Variants in ZNF317 observed in about 807,000 individuals in gnomAD.
ZNF317 encodes the protein zinc finger protein 317, also known as KRAB-containing zinc finger protein 317.
Under a neutral mutation model 23.4 loss-of-function variants are expected in ZNF317, and 17 were observed. The observed-to-expected ratio is 0.73, with a 90% CI of 0.50 to 1.09. The LOEUF (loss-of-function observed/expected upper bound fraction) is 1.09, where lower values mean the gene tolerates loss of function less well. ZNF317 is among the 50% of genes least tolerant of loss of function. ZNF317 has a pLI of 0.00. For synonymous variants in ZNF317, 317 were observed against 314.9 expected, an observed-to-expected ratio of 1.01 and a Z score of -0.07; for missense variants, 679 against 796.7, an observed-to-expected ratio of 0.85 and a Z score of 1.78.
intron 1 of ZNF317, among the ~76,000 whole-genome samples, chr19:9,143,302 AAG>A (rs1192048435): frequency 6.6e-6 from 1 of 152,086 alleles, no homozygotes; most frequent in African/African-American, 2.4e-5. Flanking sequence ...TTTCTTCTTA[AAG>A]AACTTCTGGC....
intron 1 of ZNF317, among the ~76,000 whole-genome samples, 169 bp downstream of exon 1, chr19:9,140,761 C>T (rs1338692044): frequency 1.3e-5 from 2 of 152,044 alleles, no homozygotes; most frequent in African/African-American, 4.8e-5. Flanking sequence ...GCTGGGGACG[C>T]GAAGGATAAA....
chr19:9,152,534 A>G (rs948520085), intron 1 of ZNF317, among the ~76,000 whole-genome samples: 1 of 152,188 alleles, frequency 6.6e-6, no homozygotes, highest in Non-Finnish European at 1.5e-5. Flanking sequence ...CGCAGACCCT[A>G]TTGTGCACTG....
chr19:9,147,334 T>TG (rs2050693146), intron 1 of ZNF317, among the ~76,000 whole-genome samples: 1 of 40,096 alleles, frequency 2.5e-5, no homozygotes, highest in Non-Finnish European at 4.5e-5. Context: ...ACACTGGTTT[T>TG]TTTTTTTTTT....
chr19:9,142,205 T>C (rs75494218), intron 1 of ZNF317, among the ~76,000 whole-genome samples: 1 of 152,244 alleles, frequency 6.6e-6, no homozygotes, highest in Non-Finnish European at 1.5e-5. Context: ...AGTCTAACTT[T>C]TGTGTAGTTT....
In ZNF317 at chr19:9,160,875, G is replaced by A; in HGVS notation, c.1230G>A (p.Arg410=). Residue 410 remains arginine, a synonymous_variant, in exon 7 of 7, where the codon AGG becomes AGA. Transcript: ENST00000247956. The surrounding 1 kb of genome is among the most constrained non-coding windows in gnomAD (Gnocchi z 6.8). ...GDLVSRRKHM[R]IHIVKKPVEC... Reference sequence around the variant, plus strand: ...TCGTGTCCCGGAGGAAACACATGAGGATTCACATCGTCAAGAAACCCGTGG... The same window carrying A: ...TCGTGTCCCGGAGGAAACACATGAGAATTCACATCGTCAAGAAACCCGTGG... 1 of 1,614,068 alleles carries A rather than the reference G, an allele frequency of 6.2e-7. No individual in the cohort carries two copies. The highest frequency in any genetic ancestry group is 8.5e-7 in the Non-Finnish European group (1 of 1,180,012).
At chr19:9,153,383 G>A (rs1023634591) in intron 1 of ZNF317, among the ~76,000 whole-genome samples, 4 of 152,234 alleles carry the variant, frequency 2.6e-5, no homozygotes, top group Non-Finnish European at 4.4e-5. Flanking sequence ...GGCTGGTCTC[G>A]AACTCTCGAC....
rs1390227039 is a variant in ZNF317, at chr19:9,145,882, GC to G, written c.-93+5293del. Among the ~76,000 whole-genome samples the G allele has an allele frequency of 2.0e-5, 3 of 152,232 alleles. No individual in the cohort carries two copies. In the East Asian group the frequency reaches 5.8e-4, roughly 29 times the overall value. Reference sequence around the variant, plus strand: ...AGTTTATTAAAATACTGATTCATCAGCCCACCCCAAAGAGAATTGAACTGAG... The same window carrying G: ...AGTTTATTAAAATACTGATTCATCAGCCACCCCAAAGAGAATTGAACTGAG... On this transcript the variant is annotated intron_variant, in intron 1 of 6. Transcript: ENST00000247956.
intron 1 of ZNF317, among the ~76,000 whole-genome samples, chr19:9,147,330 GTTTTTTTTTTTTT>G (rs35259257): frequency 1.8e-5 from 2 of 110,170 alleles, no homozygotes; most frequent in African/African-American, 3.9e-5. Flanking sequence ...AATGACACTG[GTTTTTTTTTTTTT>G]TTTTTTTTTT....
At chr19:9,158,786 T>G (rs1357455870) in intron 5 of ZNF317, 40 bp from the exon 6 acceptor site, 2 of 1,337,464 alleles carry the variant, frequency 1.5e-6, no homozygotes, top group Non-Finnish European at 2.2e-6. Flanking sequence ...TCCCACCATT[T>G]TCCTTTTCCA....
rs780252470 is a variant in ZNF317, at chr19:9,160,626, G to A, written c.981G>A (p.Thr327=). The A allele has an allele frequency of 9.3e-6, 15 of 1,613,726 alleles. No individual in the cohort carries two copies. The South Asian group carries it at 1.3e-4, about 14-fold the overall frequency. ...GCCACCTCATCGCACACAAGAGAAC[G>A]CACACCGGAGAGAGGCCCTACGAGT... The part of the protein sequence containing the change: ...RSCHLIAHKR[T]HTGERPYECH... Residue 327 remains threonine, a synonymous_variant, in exon 7 of 7, where the codon ACG becomes ACA. Transcript: ENST00000247956. This position sits in a 1 kb window ranked among gnomAD's most constrained non-coding sequence, Gnocchi z 6.8.
At position 9,161,133 on chromosome 19, in the gene ZNF317, C is replaced by T. The variant is rs143272164; in HGVS notation, c.1488C>T (p.His496=). 4 of 1,614,092 alleles carry T rather than the reference C, an allele frequency of 2.5e-6. No individual in the cohort carries two copies. The East Asian group carries it at 6.7e-5, about 27-fold the overall frequency. Residue 496 remains histidine, a synonymous_variant, in exon 7 of 7, where the codon CAC becomes CAT. Coordinates refer to ENST00000247956, the MANE Select transcript of ZNF317 (RefSeq NM_020933.5). The surrounding 1 kb of genome is among the most constrained non-coding windows in gnomAD (Gnocchi z 4.0). The part of the protein sequence containing the change: ...YLSRRRHMSV[H]LVKKRVECRQ... ...CCCGGCGGAGGCACATGAGCGTTCA[C>T]CTTGTAAAGAAACGAGTTGAGTGTA...
chr19:9,146,537 C>T (rs1359032434), intron 1 of ZNF317, among the ~76,000 whole-genome samples: 1 of 151,032 alleles, frequency 6.6e-6, no homozygotes, highest in Non-Finnish European at 1.5e-5. Context: ...AAGCAATCTT[C>T]CCACCTCAGC....
chr19:9,157,959 G>A, intron 4 of ZNF317, 21 bp from the exon 5 acceptor site: 2 of 1,550,270 alleles, frequency 1.3e-6, no homozygotes, highest in Non-Finnish European at 1.7e-6. Context: ...CCCTCAACCT[G>A]TGTCTTTCCC....
chr19:9,141,919 C>T (rs2050634584), intron 1 of ZNF317, among the ~76,000 whole-genome samples: 1 of 152,140 alleles, frequency 6.6e-6, no homozygotes, highest in Non-Finnish European at 1.5e-5. Context: ...GGTTCTCCTG[C>T]CTCAGCCTCC....
chr19:9,151,584 C>T (rs138928425), intron 1 of ZNF317, among the ~76,000 whole-genome samples: 18 of 151,944 alleles, frequency 1.2e-4, no homozygotes, highest in African/African-American at 4.1e-4. Context: ...AATCCCCTCC[C>T]GAGGTGTGGG....
intron 4 of ZNF317, 97 bp downstream of exon 4, chr19:9,157,491 C>T (rs1042007515): frequency 5.6e-5 from 84 of 1,511,806 alleles, no homozygotes; most frequent in Non-Finnish European, 6.9e-5. Context: ...CGGTTCAGAA[C>T]GCAGCTGTGA....
rs957908977 is a variant in ZNF317, at chr19:9,162,497, C to T, written c.*1064C>T. 6.6e-6 allele frequency: 1 copy of T among 151,812 alleles called. No homozygotes were observed. The highest frequency in any genetic ancestry group is 2.4e-5 in the African/African-American group (1 of 41,274). 9.4% of individuals were successfully genotyped at this position (151,812 alleles called of 1,614,324 possible). A position where few individuals can be genotyped will look rare whatever the true frequency, so the allele number is the denominator to read the frequency against. On this transcript the variant is annotated 3_prime_UTR_variant, in exon 7 of 7. Coordinates refer to ENST00000247956, the MANE Select transcript of ZNF317 (RefSeq NM_020933.5). ...TCACTTGAGCATGTGAATATTCTCA[C>T]GGAGAGAAGCCCCAGCGAGATTTTC...
Position 9,161,565 on chromosome 19 carries a change from T to A in ZNF317, c.*132T>A. ...CGGAACTTGGGAGAAGTCCAGTTCC[T>A]GTAAAAACTGGGAAGACGAGGCGTT... On this transcript the variant is annotated 3_prime_UTR_variant, in exon 7 of 7. Coordinates refer to ENST00000247956, the MANE Select transcript of ZNF317 (RefSeq NM_020933.5). This position sits in a 1 kb window ranked among gnomAD's most constrained non-coding sequence, Gnocchi z 4.0. The A allele has an allele frequency of 7.2e-7, 1 of 1,379,768 alleles. No individual in the cohort carries two copies. The highest frequency in any genetic ancestry group is 9.8e-7 in the Non-Finnish European group (1 of 1,023,964). 85.5% of individuals were successfully genotyped at this position (1,379,768 alleles called of 1,614,324 possible). A position where few individuals can be genotyped will look rare whatever the true frequency, so the allele number is the denominator to read the frequency against.
chr19:9,160,389 G>A lies in ZNF317; in HGVS notation c.744G>A (p.Lys248=). The A allele has an allele frequency of 6.2e-7, 1 of 1,614,228 alleles. No individual in the cohort carries two copies. The highest frequency in any genetic ancestry group is 8.5e-7 in the Non-Finnish European group (1 of 1,180,046). Residue 248 remains lysine (K), a synonymous_variant, in exon 7 of 7, where the codon AAG becomes AAA. Coordinates refer to ENST00000247956, the MANE Select transcript of ZNF317 (RefSeq NM_020933.5). This position sits in a 1 kb window ranked among gnomAD's most constrained non-coding sequence, Gnocchi z 6.8. The part of the protein sequence containing the change: ...TRHRRIHTGE[K]PYECSDCGKA... ...ACAGGAGAATCCACACCGGGGAGAA[G>A]CCTTACGAGTGCAGCGACTGCGGGA...
Sources: allele counts gnomAD v4.1 joint callset (sites outside exome capture counted in the v4.1 genomes callset), GRCh38; gene constraint gnomAD v4.1.1; non-coding constraint Gnocchi (gnomAD v3.1); transcripts MANE v1.5; gene names NCBI Gene and HGNC (gene_info 2026-07-23, HGNC 2026-07-21).